Variants in FOXN3 observed in about 807,000 individuals in gnomAD.
The protein encoded by FOXN3 is forkhead box N3, also known as forkhead box protein N3.
In FOXN3, 7 loss-of-function variants were observed where a neutral mutation model predicts 38.4. That is an observed-to-expected ratio of 0.18 (90% CI 0.10 to 0.34). The LOEUF is 0.34. Among genes scored for constraint, FOXN3 ranks in the 10% least tolerant of loss-of-function variants. The probability of loss-of-function intolerance (pLI) is 1.00; values close to 1 mark genes in which losing one functional copy is unlikely to be tolerated. For missense variants in FOXN3, 456 were observed against 613.4 expected (o/e 0.74, Z 2.71); for synonymous variants, 230 against 242.2 (o/e 0.95, Z 0.47).
intron 1 of FOXN3, among the ~76,000 whole-genome samples, chr14:89,575,933 C>T (rs1161372306): frequency 6.6e-6 from 1 of 152,202 alleles, no homozygotes; most frequent in African/African-American, 2.4e-5. Context: ...CTATGCCCCA[C>T]CGATAAACTC....
At chr14:89,488,624 CAA>C (rs34611131) in intron 1 of FOXN3, among the ~76,000 whole-genome samples, 4 of 119,414 alleles carry the variant, frequency 3.3e-5, no homozygotes, top group Non-Finnish European at 5.4e-5. Flanking sequence ...TGCCCCATCT[CAA>C]AAAAAAAAAA....
Position 89,187,335 on chromosome 14 carries a change from C to T in FOXN3, c.746-6529G>A, listed in dbSNP as rs554508151. 3.9e-5 allele frequency among the ~76,000 whole-genome samples: 6 copies of T among 152,332 alleles called. No homozygotes were observed. In the South Asian group the frequency reaches 1.2e-3, roughly 32 times the overall value. On this transcript the variant is annotated intron_variant, in intron 4 of 5. Transcript: ENST00000557258. ...GGAATACAGGCAGGCTCTGCGCAGA[C>T]AGGAAATGTGTTGCTCTCCGAAGCC...
At chr14:89,529,461 G>A (rs559259005) in intron 1 of FOXN3, among the ~76,000 whole-genome samples, 1 of 152,126 alleles carries the variant, frequency 6.6e-6, no homozygotes, top group Non-Finnish European at 1.5e-5. Flanking sequence ...TCTTCCTATA[G>A]TGTTTCTCTC....
intron 1 of FOXN3, among the ~76,000 whole-genome samples, chr14:89,516,122 G>A (rs1466331800): frequency 1.4e-5 from 2 of 143,884 alleles, no homozygotes; most frequent in Non-Finnish European, 3.2e-5. Context: ...GGGAGGCAGC[G>A]TACACAGCAT....
chr14:89,238,731 GT>G (rs1885051924), intron 4 of FOXN3, among the ~76,000 whole-genome samples: 1 of 152,168 alleles, frequency 6.6e-6, no homozygotes, highest in Admixed American at 6.5e-5. Flanking sequence ...AAAATACTGG[GT>G]GCCTTTCAGT....
intron 1 of FOXN3, among the ~76,000 whole-genome samples, chr14:89,556,832 T>C (rs1023422587): frequency 4.6e-5 from 7 of 152,162 alleles, no homozygotes; most frequent in Non-Finnish European, 1.0e-4. Flanking sequence ...GAAAGTGCCC[T>C]GCTGATTTGG....
At chr14:89,492,265 G>A (rs1332882555) in intron 1 of FOXN3, among the ~76,000 whole-genome samples, 1 of 152,182 alleles carries the variant, frequency 6.6e-6, no homozygotes, top group Admixed American at 6.5e-5. Context: ...GGATCATGCA[G>A]CTTTCACACA....
chr14:89,522,446 A>T (rs1223038559), intron 1 of FOXN3, among the ~76,000 whole-genome samples: 1 of 152,182 alleles, frequency 6.6e-6, no homozygotes, highest in Non-Finnish European at 1.5e-5. Flanking sequence ...ACCAGAAATA[A>T]CAATACAAGT....
At chr14:89,481,016 A>G (rs1173519048) in intron 1 of FOXN3, among the ~76,000 whole-genome samples, 1 of 151,950 alleles carries the variant, frequency 6.6e-6, no homozygotes, top group Non-Finnish European at 1.5e-5. Flanking sequence ...GAATTGCAAT[A>G]CAGACTCCTA....
chr14:89,438,161 T>C (rs1224175693), intron 1 of FOXN3, among the ~76,000 whole-genome samples: 1 of 152,266 alleles, frequency 6.6e-6, no homozygotes, highest in East Asian at 1.9e-4. Context: ...TTAATGTTTA[T>C]TGAGAACTGA....
intron 4 of FOXN3, among the ~76,000 whole-genome samples, chr14:89,182,036 T>C (rs1213199703): frequency 6.6e-6 from 1 of 152,068 alleles, no homozygotes; most frequent in Non-Finnish European, 1.5e-5. Flanking sequence ...TCTCAGATAG[T>C]GGCAAGGTGG....
chr14:89,381,358 C>T (rs971717695), intron 2 of FOXN3, among the ~76,000 whole-genome samples: 1 of 151,840 alleles, frequency 6.6e-6, no homozygotes, highest in African/African-American at 2.4e-5. Context: ...CAAAATCACA[C>T]AGATGATAGG....
In FOXN3 at chr14:89,450,632, CTGG is replaced by C. The variant is rs1566660433; in HGVS notation, c.-14-38145_-14-38143del. On this transcript the variant is annotated intron_variant, in intron 1 of 6. Coordinates refer to the FOXN3 transcript ENST00000345097. ...ACAGAGTCTCGCCCTGTCGCCCAGG[CTGG>C]AGTGCAGTGGCACAATCTCGGCTCA... Among the ~76,000 whole-genome samples, 40 of 151,252 alleles carry C rather than the reference CTGG, an allele frequency of 2.6e-4. 1 individual carries two copies. The highest frequency in any genetic ancestry group is 6.6e-5 in the Admixed American group (1 of 15,154).
intron 2 of FOXN3, among the ~76,000 whole-genome samples, chr14:89,368,638 CCT>C (rs1370347149): frequency 1.3e-5 from 2 of 151,946 alleles, no homozygotes; most frequent in Non-Finnish European, 2.9e-5. Flanking sequence ...AGAGTGAGAC[CCT>C]GTTTCAAACG....
intron 1 of FOXN3, among the ~76,000 whole-genome samples, chr14:89,490,726 A>T (rs1018363051): frequency 6.6e-6 from 1 of 152,210 alleles, no homozygotes; most frequent in Admixed American, 6.5e-5. Context: ...ATGGGTCCAG[A>T]TGCTTTTGGT....
At chr14:89,284,859 G>C (rs113829860) in intron 3 of FOXN3, among the ~76,000 whole-genome samples, 4,321 of 152,238 alleles carry the variant, frequency 0.028, 92 homozygotes, top group Middle Eastern at 0.075. Flanking sequence ...CAAATCCCAA[G>C]AGGTGAGTGA....
In FOXN3 at chr14:89,463,066, G is replaced by A. The variant is rs539601802; in HGVS notation, c.-14-50576C>T. ...AGCACTTTGGGAGGCCAAGGAGGGC[G>A]GATCACGAGGTCAGGAGATTGAGAA... On this transcript the variant is annotated intron_variant, in intron 1 of 6. Transcript: ENST00000345097. 5.8e-3 allele frequency among the ~76,000 whole-genome samples: 872 copies of A among 151,196 alleles called. 12 individuals are homozygous for A. The highest frequency in any genetic ancestry group is 0.02 in the African/African-American group (843 of 41,160).
chr14:89,333,557 C>G (rs889916505), intron 3 of FOXN3, among the ~76,000 whole-genome samples: 3 of 151,784 alleles, frequency 2.0e-5, no homozygotes, highest in African/African-American at 7.3e-5. Context: ...GTCAGAAGCT[C>G]GAGACCAGCC....
Position 89,271,045 on chromosome 14 carries a change from G to GCA in FOXN3, c.745+9903_745+9904dup, listed in dbSNP as rs142275431. Among the ~76,000 whole-genome samples the GCA allele has an allele frequency of 2.4e-3, 366 of 150,926 alleles. 2 individuals are homozygous for GCA. Among genetic ancestry groups the GCA allele is most frequent in the African/African-American group, 7.0e-3 (290 of 41,170 alleles). On this transcript the variant is annotated intron_variant, in intron 4 of 5. Coordinates refer to ENST00000557258, the MANE Select transcript of FOXN3 (RefSeq NM_005197.4). ...TTCACTCATGCATGTGCACATACCT[G>GCA]CACACACACACACACACCCACTCCC...
Sources: gnomAD v4.1 joint callset for allele counts (sites outside exome capture counted in the v4.1 genomes callset) on GRCh38, gnomAD v4.1.1 for gene constraint, MANE v1.5 for transcripts, NCBI Gene and HGNC (gene_info 2026-07-23, HGNC 2026-07-21) for gene names.